The following STIM2 variants were observed in gnomAD, a reference collection of about 807,000 sequenced individuals.
STIM2 encodes the protein stromal interaction molecule 2.
In STIM2, 31 loss-of-function variants were observed where a neutral mutation model predicts 85.8. That is an observed-to-expected ratio of 0.36 (90% confidence interval 0.27 to 0.49). STIM2 has a LOEUF of 0.49. STIM2 is among the 20% of genes least tolerant of loss of function. STIM2 has a pLI of 0.98. For missense variants in STIM2, 841 were observed against 927.6 expected, an observed-to-expected ratio of 0.91 and a Z score of 1.21; for synonymous variants, 356 against 331.1, an observed-to-expected ratio of 1.08 and a Z score of -0.82.
chr4:26,888,455 G>A (rs926792131), intron 1 of STIM2, among the ~76,000 whole-genome samples: 3 of 152,202 alleles, frequency 2.0e-5, no homozygotes, highest in Admixed American at 1.3e-4. Context: ...AGGGATTAAA[G>A]AGCAAGAAAA....
chr4:26,922,220 ATATTTT>A (rs1184068745), intron 2 of STIM2, among the ~76,000 whole-genome samples: 7 of 151,840 alleles, frequency 4.6e-5, no homozygotes, highest in Admixed American at 1.3e-4. Flanking sequence ...TGTTTGTATT[ATATTTT>A]TATATTTATA....
intron 4 of STIM2, among the ~76,000 whole-genome samples, chr4:26,997,242 A>G (rs1019479217): frequency 1.3e-5 from 2 of 152,214 alleles, no homozygotes; most frequent in African/African-American, 2.4e-5. Context: ...ACAAGAATGT[A>G]TAAGAAAATG....
At position 26,886,339 on chromosome 4, in the gene STIM2, CGAT is replaced by C. The variant is rs562066304; in HGVS notation, c.151+24973_151+24975del. Among the ~76,000 whole-genome samples the C allele has an allele frequency of 8.9e-3, 1,359 of 152,156 alleles. 29 individuals carry two copies. The highest frequency in any genetic ancestry group is 0.031 in the African/African-American group (1,300 of 41,502). On this transcript the variant is annotated intron_variant, in intron 1 of 11. Coordinates refer to ENST00000467087, the MANE Select transcript of STIM2 (RefSeq NM_020860.4). The stretch of plus-strand genomic sequence containing the variant: ...GTAGGTATTGGAGCAATGAAGAAAA[CGAT>C]GAGCTTAATTTCACTGAGGATAAGA...
intron 10 of STIM2, among the ~76,000 whole-genome samples, chr4:27,017,496 T>C (rs540583512): frequency 6.6e-6 from 1 of 152,330 alleles, no homozygotes; most frequent in African/African-American, 2.4e-5. Flanking sequence ...TGTTCACTTC[T>C]GTTTGTTTTT....
chr4:26,920,033 T>A (rs1282529097), intron 2 of STIM2, among the ~76,000 whole-genome samples: 1 of 152,188 alleles, frequency 6.6e-6, no homozygotes, highest in Non-Finnish European at 1.5e-5. Context: ...CCCTTAGATA[T>A]GGGCCGAGGT....
In STIM2 at chr4:27,010,659, C is replaced by A. The variant is rs183789114; in HGVS notation, c.1489+1657C>A. On this transcript the variant is annotated intron_variant, in intron 10 of 11. Coordinates refer to ENST00000467087, the MANE Select transcript of STIM2 (RefSeq NM_020860.4). The stretch of plus-strand genomic sequence containing the variant: ...AGGACGAAGGCTCTTCATTTCTATA[C>A]CCTCCTGAGCAGTTAAAATTTTTTT... Among the ~76,000 whole-genome samples the A allele has an allele frequency of 3.8e-4, 58 of 152,192 alleles. No homozygotes were observed. The East Asian group carries it at 9.3e-3, about 24-fold the overall frequency.
rs371089519 is a variant in STIM2, at chr4:26,947,599, A to G, written c.283-10013A>G. ...ATCAGGCTTTCTCCAGCCCTCCATC[A>G]GCCTCACCAGATCTCCATTCTTTGC... On this transcript the variant is annotated intron_variant, in intron 2 of 11. Transcript: ENST00000467087. 7.2e-5 allele frequency among the ~76,000 whole-genome samples: 11 copies of G among 152,092 alleles called. No individual in the cohort carries two copies. In the East Asian group the frequency reaches 2.1e-3, roughly 29 times the overall value.
At chr4:26,880,629 A>ATATAAATATATATGTAAATATATG (rs1310273083) in intron 1 of STIM2, among the ~76,000 whole-genome samples, 13 of 147,290 alleles carry the variant, frequency 8.8e-5, no homozygotes, top group African/African-American at 1.2e-4. Flanking sequence ...GTAAATATAT[A>ATATAAATATATATGTAAATATATG]TATAAATATA....
At chr4:26,873,563 A>G in intron 1 of STIM2, 1 of 427,504 alleles carries the variant, frequency 2.3e-6, no homozygotes. Context: ...CAGGAAGCTC[A>G]TGGGGAAGCA....
chr4:26,866,449 TAGAG>T (rs1438447134), intron 1 of STIM2, among the ~76,000 whole-genome samples: 4 of 152,294 alleles, frequency 2.6e-5, no homozygotes, highest in African/African-American at 9.6e-5. Context: ...AAGAGGCTGT[TAGAG>T]AGTATTACCT....
At chr4:26,981,420 A>G (rs1727392087) in intron 3 of STIM2, among the ~76,000 whole-genome samples, 1 of 152,218 alleles carries the variant, frequency 6.6e-6, no homozygotes. Context: ...AGAATTCTCT[A>G]CCTGCATAAT....
At chr4:26,971,593 A>G (rs184947371) in intron 3 of STIM2, among the ~76,000 whole-genome samples, 7 of 152,130 alleles carry the variant, frequency 4.6e-5, no homozygotes, top group African/African-American at 1.7e-4. Context: ...GTTCTGTTCC[A>G]TTGGTCTATA....
At chr4:26,990,577 A>G (rs954268797) in intron 3 of STIM2, among the ~76,000 whole-genome samples, 2 of 152,204 alleles carry the variant, frequency 1.3e-5, no homozygotes, top group South Asian at 4.1e-4. Context: ...AACAAAAGCA[A>G]AAACAGACAA....
At chr4:26,876,403 G>A (rs890971887) in intron 1 of STIM2, among the ~76,000 whole-genome samples, 1 of 152,148 alleles carries the variant, frequency 6.6e-6, no homozygotes, top group South Asian at 2.1e-4. Context: ...ACTTTACCTA[G>A]GTTTCCTTTA....
chr4:26,927,692 A>T (rs1195866511), intron 2 of STIM2, among the ~76,000 whole-genome samples: 8 of 127,652 alleles, frequency 6.3e-5, no homozygotes, highest in African/African-American at 2.8e-4. Flanking sequence ...AAAAAAAAAA[A>T]AAAAAAAAAA....
Position 26,959,511 on chromosome 4 carries a change from A to G in STIM2, c.397+1785A>G, listed in dbSNP as rs138698018. Among the ~76,000 whole-genome samples the G allele has an allele frequency of 2.7e-3, 404 of 152,142 alleles. 1 individual carries two copies. The highest frequency in any genetic ancestry group is 4.8e-3 in the Non-Finnish European group (325 of 67,994). On this transcript the variant is annotated intron_variant, in intron 3 of 11. Transcript: ENST00000467087. ...CGTGTATCACCTTCTAAGATACTATATAATTGACTTGCTCATTATATATAT... is the reference window on the plus strand; with the variant it reads ...CGTGTATCACCTTCTAAGATACTATGTAATTGACTTGCTCATTATATATAT...
chr4:26,880,828 C>G (rs1483748091), intron 1 of STIM2, among the ~76,000 whole-genome samples: 1 of 151,092 alleles, frequency 6.6e-6, no homozygotes, highest in Admixed American at 6.6e-5. Flanking sequence ...TTTCAAAGAT[C>G]TTAGAATTCT....
In STIM2 at chr4:26,981,702, G is replaced by A. The variant is rs540964019; in HGVS notation, c.398-13677G>A. 5.3e-5 allele frequency among the ~76,000 whole-genome samples: 8 copies of A among 152,266 alleles called. No homozygotes were observed. In the South Asian group the frequency reaches 6.2e-4, roughly 12 times the overall value. ...ATAATACTGCCTGGACTTTTACGAC[G>A]TTGGCCAGTAATCTTCAAAAACATC... On this transcript the variant is annotated intron_variant, in intron 3 of 11. Coordinates refer to ENST00000467087, the MANE Select transcript of STIM2 (RefSeq NM_020860.4).
chr4:26,991,917 C>A (rs1006969941), intron 3 of STIM2, among the ~76,000 whole-genome samples: 1 of 152,046 alleles, frequency 6.6e-6, no homozygotes. Flanking sequence ...ATTTTAGAAG[C>A]TGGCATTTCT....
Sources: allele counts gnomAD v4.1 joint callset (sites outside exome capture counted in the v4.1 genomes callset), GRCh38; gene constraint gnomAD v4.1.1; transcripts MANE v1.5; gene names NCBI Gene and HGNC (gene_info 2026-07-23, HGNC 2026-07-21).